The following PTPN2 variants were observed in gnomAD, a reference collection of about 807,000 sequenced individuals.
PTPN2 encodes tyrosine-protein phosphatase non-receptor type 2.
PTPN2 carries 19 observed loss-of-function variants against 57.3 expected under a neutral mutation model. The observed-to-expected ratio is 0.33, with a 90% CI of 0.23 to 0.49. PTPN2 has a LOEUF of 0.49. Among genes scored for constraint, PTPN2 ranks in the 20% least tolerant of loss-of-function variants. The pLI is 0.99. For missense variants in PTPN2, 358 were observed against 501.1 expected (o/e 0.71, Z 2.73); for synonymous variants, 153 against 164.9 (o/e 0.93, Z 0.55).
Position 12,836,675 on chromosome 18 carries a change from A to G in PTPN2, c.261+116T>C, listed in dbSNP as rs931343260. 4.6e-6 allele frequency: 3 copies of G among 649,664 alleles called. No individual in the cohort carries two copies. The African/African-American group carries it at 5.6e-5, about 12-fold the overall frequency. 40.2% of individuals were successfully genotyped at this position (649,664 alleles called of 1,614,324 possible). ...TAATTCATTACATCGTCAGAAAAAA[A>G]CTGAAATACCATTTCATTTCCAAAA... On this transcript the variant is annotated intron_variant, in intron 3 of 8. Coordinates refer to ENST00000309660, the MANE Select transcript of PTPN2 (RefSeq NM_002828.4).
rs183430073 is a variant in PTPN2, at chr18:12,870,591, C to T, written c.70-11337G>A. ...TGGCGCGATCTTGGCTTACTGCAAG[C>T]TCCACCTCCCAGGTTTACACCATTC... On this transcript the variant is annotated intron_variant, in intron 1 of 8. Transcript: ENST00000309660. 9.2e-5 allele frequency among the ~76,000 whole-genome samples: 13 copies of T among 141,854 alleles called. No individual in the cohort carries two copies. The East Asian group carries it at 2.8e-3, about 31-fold the overall frequency. The allele number at this position is 141,854 out of a possible 152,430, so 93.1% of individuals were successfully genotyped here.
chr18:12,791,582 A>T (rs1346973948), downstream of PTPN2, among the ~76,000 whole-genome samples: 2 of 152,162 alleles, frequency 1.3e-5, no homozygotes, highest in African/African-American at 4.8e-5. Context: ...GCACAACACG[A>T]TGTCATGTGT....
At chr18:12,827,019 A>G (rs2042489990) in intron 4 of PTPN2, among the ~76,000 whole-genome samples, 1 of 152,238 alleles carries the variant, frequency 6.6e-6, no homozygotes, top group Non-Finnish European at 1.5e-5. Context: ...TTCTAAAATT[A>G]TCAAACTCTT....
rs1441837112 is a variant in PTPN2, at chr18:12,793,282, T to G, written c.*996A>C. The G allele has an allele frequency of 1.0e-6, 1 of 972,566 alleles. No homozygotes were observed. The highest frequency in any genetic ancestry group is 1.8e-5 in the African/African-American group (1 of 57,028). The allele number at this position is 972,566 out of a possible 1,614,324, so 60.2% of individuals were successfully genotyped here. A position where few individuals can be genotyped will look rare whatever the true frequency, so the allele number is the denominator to read the frequency against. On this transcript the variant is annotated 3_prime_UTR_variant, in exon 9 of 9. Coordinates refer to ENST00000309660, the MANE Select transcript of PTPN2 (RefSeq NM_002828.4). ...CATATAATCATACTATTTATTGAAG[T>G]AGAAAGAAACTGAAAAGTGTTTACT...
intron 1 of PTPN2, among the ~76,000 whole-genome samples, chr18:12,869,764 T>C (rs1199959858): frequency 6.6e-6 from 1 of 152,210 alleles, no homozygotes; most frequent in Non-Finnish European, 1.5e-5. Flanking sequence ...TTTCTCCTTA[T>C]GGGCTAACAT....
At chr18:12,871,679 CCATT>C (rs1205541086) in intron 1 of PTPN2, among the ~76,000 whole-genome samples, 1 of 152,092 alleles carries the variant, frequency 6.6e-6, no homozygotes, top group African/African-American at 2.4e-5. Flanking sequence ...AAAATTTTCT[CCATT>C]GTTTTCTTAT....
chr18:12,881,225 A>C (rs2044658397), intron 1 of PTPN2, among the ~76,000 whole-genome samples: 1 of 152,214 alleles, frequency 6.6e-6, no homozygotes, highest in South Asian at 2.1e-4. Context: ...ACCTGAGGTC[A>C]GGAGTTCGAG....
intron 1 of PTPN2, among the ~76,000 whole-genome samples, chr18:12,860,884 T>A (rs893940923): frequency 3.9e-5 from 6 of 152,100 alleles, no homozygotes; most frequent in African/African-American, 1.4e-4. Context: ...TTCTAAGAAT[T>A]CAAGTAAATA....
intron 4 of PTPN2, among the ~76,000 whole-genome samples, chr18:12,829,622 C>T (rs1293897688): frequency 6.6e-6 from 1 of 151,816 alleles, no homozygotes; most frequent in Non-Finnish European, 1.5e-5. Context: ...AAAATTAATC[C>T]AGTATGTCCA....
At chr18:12,870,382 T>C (rs867845786) in intron 1 of PTPN2, among the ~76,000 whole-genome samples, 2 of 64,964 alleles carry the variant, frequency 3.1e-5, no homozygotes, top group East Asian at 7.8e-4. Flanking sequence ...TACATATATA[T>C]ACGTATATAT....
Position 12,827,699 on chromosome 18 carries a change from T to A in PTPN2, c.361-1755A>T, listed in dbSNP as rs527722088. ...CCAACCTGGCCAGAAAAAAAAAAAT[T>A]TTTTTTAAGTAAAATAGAAATAAAG... On this transcript the variant is annotated intron_variant, in intron 4 of 8. Coordinates refer to ENST00000309660, the MANE Select transcript of PTPN2 (RefSeq NM_002828.4). 6.5e-3 allele frequency among the ~76,000 whole-genome samples: 983 copies of A among 150,432 alleles called. 7 individuals are homozygous for A. The highest frequency in any genetic ancestry group is 0.03 in the East Asian group (155 of 5,134).
At chr18:12,813,090 G>C (rs145777924) in intron 7 of PTPN2, among the ~76,000 whole-genome samples, 1 of 151,848 alleles carries the variant, frequency 6.6e-6, no homozygotes, top group South Asian at 2.1e-4. Context: ...CCAGTTACCC[G>C]TCTCATCACA....
intron 2 of PTPN2, among the ~76,000 whole-genome samples, chr18:12,847,519 T>C (rs574015194): frequency 3.6e-4 from 55 of 152,324 alleles, no homozygotes; most frequent in Non-Finnish European, 7.2e-4. Context: ...AGAGTTCTAG[T>C]TCTTCTTCCT....
At chr18:12,846,120 A>C (rs1283829049) in intron 2 of PTPN2, among the ~76,000 whole-genome samples, 1 of 152,222 alleles carries the variant, frequency 6.6e-6, no homozygotes, top group Non-Finnish European at 1.5e-5. Flanking sequence ...CATCTCAGAA[A>C]GATGCTAAGT....
At chr18:12,807,584 A>ATATATATATATATATATATATATAT (rs1555660747) in intron 7 of PTPN2, among the ~76,000 whole-genome samples, 2 of 55,008 alleles carry the variant, frequency 3.6e-5, no homozygotes, top group African/African-American at 4.9e-5. Context: ...AAAAAAAAAA[A>ATATATATATATATATATATATATAT]AAATATATAT....
At chr18:12,788,270 T>A (rs1471328982), downstream of PTPN2, 2 of 152,462 alleles carry the variant, frequency 1.3e-5, no homozygotes, top group Non-Finnish European at 2.9e-5. Flanking sequence ...ACATACTGTA[T>A]AACGTAAAAC....
chr18:12,796,890 T>C (rs2041210501), intron 8 of PTPN2, among the ~76,000 whole-genome samples: 1 of 152,222 alleles, frequency 6.6e-6, no homozygotes, highest in African/African-American at 2.4e-5. Flanking sequence ...CTAACTTGGG[T>C]ACTTGTTTTA....
chr18:12,847,061 A>AG (rs1743908398), intron 2 of PTPN2, among the ~76,000 whole-genome samples: 1 of 151,702 alleles, frequency 6.6e-6, no homozygotes, highest in Admixed American at 6.6e-5. Flanking sequence ...AAAAAAAAAA[A>AG]GTTTCATCTG....
intron 3 of PTPN2, among the ~76,000 whole-genome samples, chr18:12,835,762 C>T (rs1363753132): frequency 6.6e-6 from 1 of 152,160 alleles, no homozygotes; most frequent in Non-Finnish European, 1.5e-5. Flanking sequence ...GTATTATACA[C>T]TTTGAAATCT....
Sources: gnomAD v4.1 joint callset for allele counts (sites outside exome capture counted in the v4.1 genomes callset) on GRCh38, gnomAD v4.1.1 for gene constraint, MANE v1.5 for transcripts, NCBI Gene and HGNC (gene_info 2026-07-23, HGNC 2026-07-21) for gene names.